Variants in MICU3 observed in about 807,000 individuals in gnomAD.
MICU3 encodes the protein calcium uptake protein 3, mitochondrial.
MICU3 carries 62 observed loss-of-function variants against 66.5 expected under a neutral mutation model. That is an observed-to-expected ratio of 0.93 (90% CI 0.76 to 1.15). MICU3 has a LOEUF of 1.15. MICU3 is among the 50% of genes most tolerant of loss of function. The probability of loss-of-function intolerance (pLI) is 0.00; values close to 1 mark genes in which losing one functional copy is unlikely to be tolerated. For synonymous variants in MICU3, 308 were observed against 240.7 expected, an observed-to-expected ratio of 1.28 and a Z score of -2.59; for missense variants, 779 against 664.4, an observed-to-expected ratio of 1.17 and a Z score of -1.90.
intron 8 of MICU3, among the ~76,000 whole-genome samples, chr8:17,096,252 A>T (rs934470914): frequency 1.3e-5 from 2 of 151,912 alleles, no homozygotes; most frequent in Non-Finnish European, 2.9e-5. Flanking sequence ...GCCTTTCCTT[A>T]CTTAGCCTGT....
At chr8:17,119,381 T>A (rs899926163) in intron 14 of MICU3, among the ~76,000 whole-genome samples, 1 of 152,158 alleles carries the variant, frequency 6.6e-6, no homozygotes, top group East Asian at 1.9e-4. Flanking sequence ...TTTTTCTTTT[T>A]TCTTTCAAAA....
intron 1 of MICU3, among the ~76,000 whole-genome samples, chr8:17,056,956 C>T (rs1025208782): frequency 8.5e-5 from 13 of 152,320 alleles, no homozygotes; most frequent in Non-Finnish European, 1.2e-4. Context: ...CTGGCCATGG[C>T]AGAGACCATT....
intron 14 of MICU3, 30 bp from the exon 15 acceptor site, chr8:17,120,258 T>C (rs1803101321): frequency 6.6e-6 from 1 of 152,160 alleles, no homozygotes; most frequent in Admixed American, 6.6e-5. Context: ...AAATAAATAT[T>C]GCTTTTGTGT....
chr8:17,041,960 C>G (rs1814197786), intron 1 of MICU3, among the ~76,000 whole-genome samples: 1 of 152,096 alleles, frequency 6.6e-6, no homozygotes, highest in Non-Finnish European at 1.5e-5. Context: ...GGAGGATTGA[C>G]CTAGCCACTG....
chr8:17,087,579 C>G (rs932834485), intron 7 of MICU3, among the ~76,000 whole-genome samples: 2 of 152,000 alleles, frequency 1.3e-5, no homozygotes, highest in African/African-American at 4.8e-5. Flanking sequence ...GTATTTCAGC[C>G]TGACCATAGG....
intron 8 of MICU3, 72 bp downstream of exon 8, chr8:17,090,656 T>C: frequency 2.6e-6 from 3 of 1,159,908 alleles, no homozygotes; most frequent in Non-Finnish European, 3.7e-6. Flanking sequence ...GTTATTTCTT[T>C]ATATAAAGCT....
chr8:17,083,237 T>A (rs1200020446), intron 5 of MICU3, among the ~76,000 whole-genome samples: 3 of 152,038 alleles, frequency 2.0e-5, no homozygotes, highest in African/African-American at 7.2e-5. Flanking sequence ...CTCTGTGTAG[T>A]GACAGCTGAT....
At chr8:17,063,458 G>C (rs553875344) in intron 1 of MICU3, among the ~76,000 whole-genome samples, 1 of 152,122 alleles carries the variant, frequency 6.6e-6, no homozygotes, top group African/African-American at 2.4e-5. Flanking sequence ...AATTGCTCTA[G>C]TTACTTCAGA....
At chr8:17,050,863 T>G (rs957277386) in intron 1 of MICU3, among the ~76,000 whole-genome samples, 7 of 151,996 alleles carry the variant, frequency 4.6e-5, no homozygotes, top group Non-Finnish European at 2.9e-5. Context: ...AATGGGGGGG[T>G]TTAAACCTAT....
chr8:17,071,267 T>G (rs1369097455), intron 3 of MICU3, among the ~76,000 whole-genome samples: 1 of 152,142 alleles, frequency 6.6e-6, no homozygotes, highest in African/African-American at 2.4e-5. Flanking sequence ...ACCAGACATT[T>G]ATTTTCTCAC....
At chr8:17,085,510 G>A (rs556786470) in intron 6 of MICU3, among the ~76,000 whole-genome samples, 192 bp downstream of exon 6, 1 of 152,178 alleles carries the variant, frequency 6.6e-6, no homozygotes, top group East Asian at 1.9e-4. Flanking sequence ...ATTACATTCA[G>A]TGTATGATGA....
intron 1 of MICU3, among the ~76,000 whole-genome samples, chr8:17,035,238 T>C (rs1441309045): frequency 6.6e-6 from 1 of 152,220 alleles, no homozygotes; most frequent in Non-Finnish European, 1.5e-5. Flanking sequence ...TGGGTATGTT[T>C]TTATTAGCAG....
chr8:17,046,898 C>G (rs997970415), intron 1 of MICU3, among the ~76,000 whole-genome samples: 2 of 151,984 alleles, frequency 1.3e-5, no homozygotes, highest in Non-Finnish European at 2.9e-5. Context: ...TTACATTACC[C>G]AAGCAGAGAA....
At chr8:17,085,207 G>C in intron 5 of MICU3, 29 bp from the exon 6 acceptor site, 1 of 1,508,580 alleles carries the variant, frequency 6.6e-7, no homozygotes. Context: ...TTTCCATTTT[G>C]TGAATACCTT....
chr8:17,035,491 A>G (rs1812811031), intron 1 of MICU3, among the ~76,000 whole-genome samples: 1 of 152,170 alleles, frequency 6.6e-6, no homozygotes, highest in Non-Finnish European at 1.5e-5. Flanking sequence ...GTTGATCTCT[A>G]ATGGAGACGA....
At chr8:17,094,682 A>C (rs1279940956) in intron 8 of MICU3, among the ~76,000 whole-genome samples, 1 of 151,982 alleles carries the variant, frequency 6.6e-6, no homozygotes, top group Non-Finnish European at 1.5e-5. Flanking sequence ...AAATCTGAAT[A>C]ACCATGGTTT....
chr8:17,132,124 C>A, the MICU3 span: 2 of 152,092 alleles, frequency 1.3e-5, no homozygotes, highest in African/African-American at 2.4e-5. Flanking sequence ...TAGTCTGTTG[C>A]CCAAAGACTA....
rs999708322 is a variant in MICU3 at position 17,121,282 on chromosome 8, A to C, written c.*995A>C. 6.6e-6 allele frequency: 1 copy of C among 151,906 alleles called. No homozygotes were observed. Among genetic ancestry groups the C allele is most frequent in the Admixed American group, 6.6e-5 (1 of 15,250 alleles). The allele number at this position is 151,906 out of a possible 1,614,324, so 9.4% of individuals were successfully genotyped here. The stretch of plus-strand genomic sequence containing the variant: ...AGAAGCTAATATTTTTGTTTCTTGC[A>C]AAAGGACCACTTGAAAAGTGATGCT... On this transcript the variant is annotated 3_prime_UTR_variant, in exon 15 of 15. Transcript: ENST00000318063.
chr8:17,122,724 T>C (rs1434560282), downstream of MICU3: 1 of 152,062 alleles, frequency 6.6e-6, no homozygotes, highest in African/African-American at 2.4e-5. Flanking sequence ...GAAATCTTTA[T>C]GGGTTACTAA....
Sources: gnomAD v4.1 joint callset for allele counts (sites outside exome capture counted in the v4.1 genomes callset) on GRCh38, gnomAD v4.1.1 for gene constraint, MANE v1.5 for transcripts, NCBI Gene and HGNC (gene_info 2026-07-23, HGNC 2026-07-21) for gene names.